LTBP1: variants seen among roughly 807,000 people sequenced by gnomAD.
LTBP1 encodes latent-transforming growth factor beta-binding protein 1.
LTBP1 carries 129 observed loss-of-function variants against 207.6 expected under a neutral mutation model. The observed-to-expected ratio is 0.62, with a 90% confidence interval of 0.54 to 0.72. LTBP1 has a LOEUF of 0.72. LTBP1 is among the 30% of genes least tolerant of loss of function. The pLI, the probability that LTBP1 is intolerant of heterozygous loss-of-function variation, is 0.00. For missense variants in LTBP1, 2,281 were observed against 2,217.2 expected (o/e 1.03, Z -0.58); for synonymous variants, 963 against 833.7 (o/e 1.16, Z -2.67).
chr2:33,235,510 C>T (rs2091997931), intron 9 of LTBP1, among the ~76,000 whole-genome samples: 1 of 152,182 alleles, frequency 6.6e-6, no homozygotes, highest in Non-Finnish European at 1.5e-5. Flanking sequence ...CCTTAAGGAT[C>T]TGGATCCAGA....
In LTBP1 at chr2:33,309,559, A is replaced by C. The variant is rs776010054; in HGVS notation, c.3604+3A>C. On this transcript the variant is annotated splice_donor_region_variant and intron_variant, in intron 23 of 33. Transcript: ENST00000404816. ...AGATGACAATAAAACATGTCAAGGT[A>C]TTTCTTGCTCTTTTTTCCCCAGTCA... The C allele has an allele frequency of 1.2e-6, 2 of 1,602,790 alleles. No individual in the cohort carries two copies. Among genetic ancestry groups the C allele is most frequent in the African/African-American group, 2.7e-5 (2 of 74,136 alleles).
At chr2:33,028,718 G>A (rs2075550091) in intron 3 of LTBP1, among the ~76,000 whole-genome samples, 2 of 152,140 alleles carry the variant, frequency 1.3e-5, no homozygotes. Flanking sequence ...CCCACTTCTT[G>A]TATATCTCTG....
At chr2:33,095,339 C>A (rs1266049878) in intron 3 of LTBP1, among the ~76,000 whole-genome samples, 6 of 152,148 alleles carry the variant, frequency 3.9e-5, no homozygotes, top group Non-Finnish European at 7.4e-5. Context: ...ATAAACTCTT[C>A]CCAAATTTCT....
intron 5 of LTBP1, among the ~76,000 whole-genome samples, chr2:33,169,237 T>C (rs1433206572): frequency 6.6e-6 from 1 of 152,222 alleles, no homozygotes; most frequent in Non-Finnish European, 1.5e-5. Context: ...CTAGAAGGTC[T>C]CCATGCCCTT....
At chr2:33,038,675 C>A (rs928117045) in intron 3 of LTBP1, among the ~76,000 whole-genome samples, 4 of 152,154 alleles carry the variant, frequency 2.6e-5, no homozygotes, top group African/African-American at 9.7e-5. Context: ...TTAAAGAGTT[C>A]GAGTTCTGAG....
At chr2:33,167,361 CAAAA>C (rs80088509) in intron 5 of LTBP1, among the ~76,000 whole-genome samples, 8 of 112,884 alleles carry the variant, frequency 7.1e-5, no homozygotes, top group Admixed American at 3.7e-4. Context: ...TTTGTACATT[CAAAA>C]AAAAAAAAAA....
intron 19 of LTBP1, 57 bp downstream of exon 19, chr2:33,280,215 G>C: frequency 6.5e-7 from 1 of 1,546,548 alleles, no homozygotes; most frequent in Non-Finnish European, 8.7e-7. Context: ...CCCATTTTCT[G>C]ATAGAGTGGT....
chr2:33,226,868 A>G (rs1228066901), intron 9 of LTBP1, among the ~76,000 whole-genome samples: 2 of 152,184 alleles, frequency 1.3e-5, no homozygotes, highest in East Asian at 1.9e-4. Context: ...TGCTCAGAAA[A>G]TAAGTCCTGC....
chr2:32,995,346 G>A (rs2148903394), intron 2 of LTBP1, among the ~76,000 whole-genome samples: 1 of 152,192 alleles, frequency 6.6e-6, no homozygotes, highest in East Asian at 1.9e-4. Flanking sequence ...GAAAACCTGG[G>A]GTGGAGCTTA....
rs1257984282 is a variant in LTBP1 at position 33,110,526 on chromosome 2, G to A, written c.864-56G>A. On this transcript the variant is annotated intron_variant, in intron 3 of 33. Transcript: ENST00000404816. Reference sequence around the variant, plus strand: ...CTCGTTGCTTACCCTTTCCTTATTAGCTGACTTTTAAAAGCCCATTATTTA... The same window carrying A: ...CTCGTTGCTTACCCTTTCCTTATTAACTGACTTTTAAAAGCCCATTATTTA... 2.7e-6 allele frequency: 4 copies of A among 1,499,840 alleles called. No individual in the cohort carries two copies. In the Admixed American group the frequency reaches 7.1e-5, roughly 27 times the overall value. 92.9% of individuals were successfully genotyped at this position (1,499,840 alleles called of 1,614,324 possible).
At chr2:32,962,290 T>C (rs1326030456) in intron 2 of LTBP1, among the ~76,000 whole-genome samples, 2 of 152,230 alleles carry the variant, frequency 1.3e-5, no homozygotes, top group Non-Finnish European at 2.9e-5. Context: ...GTAGGGTTCG[T>C]GCAAAGACAA....
intron 32 of LTBP1, among the ~76,000 whole-genome samples, chr2:33,393,234 C>CTTTTTTTTTTTTTTTTTT (rs569734292): frequency 4.1e-5 from 2 of 48,744 alleles, no homozygotes; most frequent in East Asian, 9.9e-4. Flanking sequence ...CCTTCTTCTT[C>CTTTTTTTTTTTTTTTTTT]TTTTTTTTTT....
At position 33,254,502 on chromosome 2, in the gene LTBP1, T is replaced by G. The variant is rs13001339; in HGVS notation, c.2167+1658T>G. 7.7e-3 allele frequency among the ~76,000 whole-genome samples: 1,163 copies of G among 151,196 alleles called. 5 individuals carry two copies. Among genetic ancestry groups the G allele is most frequent in the Non-Finnish European group, 0.013 (896 of 67,820 alleles). ...TTTTTGCACTTAAGTTTTGGTTATA[T>G]GGTGATTTTCACTAAAAATATTTAG... On this transcript the variant is annotated intron_variant, in intron 11 of 33. Coordinates refer to ENST00000404816, the MANE Select transcript of LTBP1 (RefSeq NM_206943.4).
intron 20 of LTBP1, among the ~76,000 whole-genome samples, chr2:33,294,710 C>CT (rs2093841052): frequency 6.6e-6 from 1 of 151,494 alleles, no homozygotes; most frequent in South Asian, 2.1e-4. Flanking sequence ...GCCTGAGTAG[C>CT]TGGGACTACA....
rs537262150 is a variant in LTBP1 at position 33,193,559 on chromosome 2, A to G, written c.1701+4708A>G. ...TGCACCTCACTTCCACTCTTTGTAG[A>G]TAGATATTGTGTCTTTTACTAATTG... On this transcript the variant is annotated intron_variant, in intron 7 of 33. Transcript: ENST00000404816. Among the ~76,000 whole-genome samples the G allele has an allele frequency of 5.3e-5, 8 of 152,290 alleles. No individual in the cohort carries two copies. In the South Asian group the frequency reaches 1.2e-3, roughly 24 times the overall value.
At position 33,021,117 on chromosome 2, in the gene LTBP1, C is replaced by G; in HGVS notation, c.774C>G (p.Asp258Glu). Reference sequence around the variant, plus strand: ...AGCATACTTCATCTAAGAAGGCAGACACTCTACCAAGAGTCAGCCCTGTGG... The same window carrying G: ...AGCATACTTCATCTAAGAAGGCAGAGACTCTACCAAGAGTCAGCCCTGTGG... ...AAKHTSSKKADTLPRVSPVAQ... is the reference protein window; with the variant it reads ...AAKHTSSKKAETLPRVSPVAQ... The change falls in exon 3 of 34, where the codon GAC (aspartate) becomes GAG (glutamate). Residue 258 changes from aspartate to glutamate, a missense_variant. Coordinates refer to ENST00000404816, the MANE Select transcript of LTBP1 (RefSeq NM_206943.4). The G allele has an allele frequency of 6.2e-7, 1 of 1,614,098 alleles. No individual in the cohort carries two copies. The highest frequency in any genetic ancestry group is 8.5e-7 in the Non-Finnish European group (1 of 1,179,990).
At chr2:33,031,271 A>G (rs1279730345) in intron 3 of LTBP1, among the ~76,000 whole-genome samples, 3 of 152,202 alleles carry the variant, frequency 2.0e-5, no homozygotes, top group Non-Finnish European at 2.9e-5. Flanking sequence ...GTAATATACT[A>G]CTGAACCATC....
chr2:33,252,909 G>T, intron 11 of LTBP1, 65 bp downstream of exon 11: 1 of 1,354,522 alleles, frequency 7.4e-7, no homozygotes, highest in Non-Finnish European at 9.8e-7. Flanking sequence ...GGACAACTTT[G>T]GCACCTTGGG....
intron 4 of LTBP1, among the ~76,000 whole-genome samples, chr2:33,118,803 C>T (rs2080932517): frequency 6.6e-6 from 1 of 152,136 alleles, no homozygotes. Flanking sequence ...GATGGTATAT[C>T]TGAGAGCTAT....
Sources: allele counts gnomAD v4.1 joint callset (sites outside exome capture counted in the v4.1 genomes callset), GRCh38; gene constraint gnomAD v4.1.1; transcripts MANE v1.5; gene names NCBI Gene and HGNC (gene_info 2026-07-23, HGNC 2026-07-21).